EIPR1: variants seen among roughly 807,000 people sequenced by gnomAD.
EIPR1 encodes EARP complex and GARP complex interacting protein 1, also known as EARP and GARP complex-interacting protein 1.
A neutral mutation model predicts 48.1 loss-of-function variants in EIPR1; 25 were observed. The ratio of observed to expected loss-of-function variants is 0.52; its 90% CI spans 0.38 to 0.73. EIPR1 has a LOEUF of 0.73. Among genes scored for constraint, EIPR1 ranks in the 30% least tolerant of loss-of-function variants. The probability of loss-of-function intolerance (pLI) is 0.00; values close to 1 mark genes in which losing one functional copy is unlikely to be tolerated. For missense variants in EIPR1, 415 were observed against 506.2 expected, an observed-to-expected ratio of 0.82 and a Z score of 1.73; for synonymous variants, 204 against 201.9, an observed-to-expected ratio of 1.01 and a Z score of -0.09.
intron 4 of EIPR1, among the ~76,000 whole-genome samples, chr2:3,224,004 T>C (rs1665980463): frequency 6.6e-6 from 1 of 152,232 alleles, no homozygotes; most frequent in South Asian, 2.1e-4. Flanking sequence ...TCTCAAACTC[T>C]AAATGCAAAA....
At chr2:3,340,677 T>A (rs758215412) in intron 2 of EIPR1, among the ~76,000 whole-genome samples, 1 of 152,212 alleles carries the variant, frequency 6.6e-6, no homozygotes, top group Non-Finnish European at 1.5e-5. Context: ...ATGTGTCCCA[T>A]GACGCCACAT....
intron 3 of EIPR1, among the ~76,000 whole-genome samples, chr2:3,314,482 T>C (rs571673884): frequency 6.6e-6 from 1 of 152,262 alleles, no homozygotes; most frequent in East Asian, 1.9e-4. Flanking sequence ...CACCAGTATG[T>C]TGAGGATTTT....
rs185799606 is a variant in EIPR1 at position 3,362,095 on chromosome 2, C to G, written c.43-7462G>C. Among the ~76,000 whole-genome samples, 531 of 152,358 alleles carry G rather than the reference C, an allele frequency of 3.5e-3. 3 individuals are homozygous for G. The highest frequency in any genetic ancestry group is 0.017 in the Middle Eastern group (5 of 294). ...CCGAGCCAGACCCGCACTAAGCGCC[C>G]CTGGGCACGTCCACTCAACTAAGCT... is the stretch of plus-strand genomic sequence containing the variant. On this transcript the variant is annotated intron_variant, in intron 1 of 8. Transcript: ENST00000382125.
intron 3 of EIPR1, among the ~76,000 whole-genome samples, chr2:3,269,566 C>T (rs1177672747): frequency 6.1e-5 from 6 of 98,444 alleles, no homozygotes; most frequent in Non-Finnish European, 9.8e-5. Flanking sequence ...ACTCAGTCAT[C>T]GCACTCAGTC....
At chr2:3,314,398 C>T (rs955610740) in intron 3 of EIPR1, among the ~76,000 whole-genome samples, 1 of 152,174 alleles carries the variant, frequency 6.6e-6, no homozygotes, top group African/African-American at 2.4e-5. Flanking sequence ...CATCATTTTA[C>T]ATTTATTCTC....
At chr2:3,329,401 T>A (rs1669818396) in intron 3 of EIPR1, among the ~76,000 whole-genome samples, 1 of 141,326 alleles carries the variant, frequency 7.1e-6, no homozygotes, top group African/African-American at 2.7e-5. Context: ...CACACTCTAA[T>A]GATCTCGGGG....
At chr2:3,300,981 G>C (rs925168993) in intron 3 of EIPR1, 4 of 152,158 alleles carry the variant, frequency 2.6e-5, no homozygotes, top group Non-Finnish European at 4.4e-5. Flanking sequence ...CCTGATGAAT[G>C]AAAAAGATGA....
intron 3 of EIPR1, among the ~76,000 whole-genome samples, chr2:3,314,686 C>T (rs1387038888): frequency 6.6e-6 from 1 of 151,898 alleles, no homozygotes; most frequent in Non-Finnish European, 1.5e-5. Context: ...TTCTGAAGGA[C>T]ACACCTGATC....
At chr2:3,230,737 C>A (rs1666218212) in intron 4 of EIPR1, among the ~76,000 whole-genome samples, 1 of 152,052 alleles carries the variant, frequency 6.6e-6, no homozygotes, top group African/African-American at 2.4e-5. Context: ...TTCATATTAT[C>A]CTGTTTCTAT....
intron 4 of EIPR1, among the ~76,000 whole-genome samples, chr2:3,251,717 A>G (rs1343005044): frequency 6.6e-6 from 1 of 152,246 alleles, no homozygotes; most frequent in Non-Finnish European, 1.5e-5. Context: ...TAATTCCCAT[A>G]TACAGCATAC....
chr2:3,264,890 T>C (rs1007864485), intron 3 of EIPR1, among the ~76,000 whole-genome samples: 2 of 152,186 alleles, frequency 1.3e-5, no homozygotes, highest in African/African-American at 2.4e-5. Context: ...TTTCTCCATG[T>C]TGGTCAGGCT....
intron 3 of EIPR1, among the ~76,000 whole-genome samples, chr2:3,269,627 ACT>A (rs1370588659): frequency 3.9e-4 from 44 of 113,068 alleles, no homozygotes; most frequent in South Asian, 7.7e-4. Context: ...CAATCATCGC[ACT>A]CAATCATCAC....
At chr2:3,243,220 T>C (rs987041941) in intron 4 of EIPR1, among the ~76,000 whole-genome samples, 2 of 152,170 alleles carry the variant, frequency 1.3e-5, no homozygotes, top group Admixed American at 1.3e-4. Context: ...GGGAATGGCT[T>C]TTTTCTCCAA....
Position 3,192,416 on chromosome 2 carries a change from C to G in EIPR1, c.987G>C (p.Glu329Asp). ...CACTCTGCAGTGCGTGCCCTTACTT[C>G]TCTTCAGAACGGTGGTCCTCCTGGT... is the stretch of plus-strand genomic sequence containing the variant. ...ISDQEDHRSE[E>D]KSKEPLQDNV... The change falls in exon 8 of 9, where the codon GAG becomes GAC. Residue 329 changes from glutamate (E) to aspartate (D), a missense_variant and splice_region_variant. Coordinates refer to ENST00000382125, the MANE Select transcript of EIPR1 (RefSeq NM_003310.5). 6.2e-7 allele frequency: 1 copy of G among 1,608,234 alleles called. No homozygotes were observed. The highest frequency in any genetic ancestry group is 1.7e-4 in the Middle Eastern group (1 of 6,012).
chr2:3,191,294 C>T lies in EIPR1; in HGVS notation c.989+1120G>A, dbSNP rs543738262. Among the ~76,000 whole-genome samples, 25 of 138,946 alleles carry T rather than the reference C, an allele frequency of 1.8e-4. 1 individual carries two copies. Among genetic ancestry groups the T allele is most frequent in the Admixed American group, 5.8e-4 (8 of 13,682 alleles). The allele number at this position is 138,946 out of a possible 152,430, so 91.2% of individuals were successfully genotyped here. ...GACAGAGACAATCAGATGGGCCCAT[C>T]GCCACTGCAGAGAGGGTCCGAAGAC... On this transcript the variant is annotated intron_variant, in intron 8 of 8. Transcript: ENST00000382125.
chr2:3,337,905 A>T, intron 3 of EIPR1, 112 bp downstream of exon 3: 2 of 1,204,308 alleles, frequency 1.7e-6, no homozygotes, highest in Non-Finnish European at 2.3e-6. Flanking sequence ...CACCTTCATT[A>T]ATGGCTAAAT....
chr2:3,264,719 G>A (rs565640892), intron 3 of EIPR1, among the ~76,000 whole-genome samples: 14 of 152,274 alleles, frequency 9.2e-5, no homozygotes, highest in Middle Eastern at 3.4e-3. Flanking sequence ...TTTTGAGACC[G>A]AGTCTCGCTC....
intron 2 of EIPR1, among the ~76,000 whole-genome samples, chr2:3,351,519 C>T (rs1341852266): frequency 2.6e-5 from 4 of 152,118 alleles, no homozygotes; most frequent in South Asian, 2.1e-4. Flanking sequence ...ACTGGCGTGC[C>T]TCCCATCCTA....
intron 3 of EIPR1, among the ~76,000 whole-genome samples, chr2:3,313,061 T>C (rs923058583): frequency 2.6e-5 from 4 of 152,178 alleles, no homozygotes; most frequent in African/African-American, 9.7e-5. Flanking sequence ...GGACGTATAT[T>C]ACCTATCAGC....
Sources: gnomAD v4.1 joint callset for allele counts (sites outside exome capture counted in the v4.1 genomes callset) on GRCh38, gnomAD v4.1.1 for gene constraint, MANE v1.5 for transcripts, NCBI Gene and HGNC (gene_info 2026-07-23, HGNC 2026-07-21) for gene names.